The following ABHD6 variants were observed in gnomAD, a reference collection of about 807,000 sequenced individuals.
ABHD6 encodes abhydrolase domain containing 6, acylglycerol lipase.
A neutral mutation model predicts 38.8 loss-of-function variants in ABHD6; 33 were observed. The ratio of observed to expected loss-of-function variants is 0.85; its 90% CI spans 0.64 to 1.14. The LOEUF (loss-of-function observed/expected upper bound fraction) is 1.14. Among genes scored for constraint, ABHD6 ranks in the 50% most tolerant of loss-of-function variants. The pLI, the probability that ABHD6 is intolerant of heterozygous loss-of-function variation, is 0.00. For synonymous variants in ABHD6, 147 were observed against 161.6 expected (o/e 0.91, Z 0.69); for missense variants, 380 against 422.6 (o/e 0.90, Z 0.88).
At chr3:58,243,215 A>G (rs988974170) in intron 1 of ABHD6, among the ~76,000 whole-genome samples, 2 of 152,228 alleles carry the variant, frequency 1.3e-5, no homozygotes, top group Non-Finnish European at 2.9e-5. Flanking sequence ...AGCATTATTT[A>G]TAATCCTTTG....
At chr3:58,290,739 CG>C (rs1044495068) in intron 9 of ABHD6, among the ~76,000 whole-genome samples, 72 of 150,516 alleles carry the variant, frequency 4.8e-4, no homozygotes, top group African/African-American at 1.7e-3. Flanking sequence ...ACATCCCAGA[CG>C]GGCCGGCGGG....
At chr3:58,277,480 G>A (rs2097449610) in intron 7 of ABHD6, among the ~76,000 whole-genome samples, 1 of 152,224 alleles carries the variant, frequency 6.6e-6, no homozygotes, top group Admixed American at 6.5e-5. Flanking sequence ...AGACTTTGCT[G>A]AAGTTGCTTA....
In ABHD6 at chr3:58,273,262, G is replaced by T. The variant is rs1311616508; in HGVS notation, c.524-1396G>T. On this transcript the variant is annotated intron_variant, in intron 6 of 9. Transcript: ENST00000478253. The surrounding 1 kb of genome is among the most constrained non-coding windows in gnomAD (Gnocchi z 4.8). The stretch of plus-strand genomic sequence containing the variant: ...CTACTGCCTTTCATTATAAAATCTA[G>T]CTCTTTTCTAGATTTTGCTGGGTGA... 6.6e-6 allele frequency among the ~76,000 whole-genome samples: 1 copy of T among 152,004 alleles called. No individual in the cohort carries two copies. Among genetic ancestry groups the T allele is most frequent in the African/African-American group, 2.4e-5 (1 of 41,352 alleles).
chr3:58,260,361 T>C (rs1021325351), intron 3 of ABHD6, among the ~76,000 whole-genome samples: 6 of 152,108 alleles, frequency 3.9e-5, no homozygotes, highest in African/African-American at 1.4e-4. Flanking sequence ...ACCCAGCTGG[T>C]TTGGGAAGAT....
At chr3:58,280,647 G>T (rs1285432466) in intron 7 of ABHD6, among the ~76,000 whole-genome samples, 1 of 152,210 alleles carries the variant, frequency 6.6e-6, no homozygotes, top group South Asian at 2.1e-4. Flanking sequence ...GCGAGGAGCT[G>T]CAATCATTTG....
chr3:58,272,966 A>G (rs948687920), intron 6 of ABHD6, among the ~76,000 whole-genome samples: 5 of 152,194 alleles, frequency 3.3e-5, no homozygotes, highest in Admixed American at 2.0e-4. Context: ...AGAAACCAAC[A>G]TTAGTATATT....
intron 3 of ABHD6, chr3:58,258,303 A>G (rs1230441672): frequency 9.9e-6 from 4 of 403,920 alleles, no homozygotes; most frequent in East Asian, 1.5e-4. Context: ...GCAGAACTGC[A>G]TCTCAAAAAA....
At chr3:58,277,288 C>A (rs1294324710) in intron 7 of ABHD6, among the ~76,000 whole-genome samples, 1 of 152,138 alleles carries the variant, frequency 6.6e-6, no homozygotes, top group Admixed American at 6.6e-5. Flanking sequence ...TCTTTTATTT[C>A]GTTGAGCAGT....
Position 58,293,490 on chromosome 3 carries a change from C to A in ABHD6, c.838-99C>A. 1.5e-6 allele frequency: 2 copies of A among 1,337,796 alleles called. No individual in the cohort carries two copies. Among genetic ancestry groups the A allele is most frequent in the East Asian group, 2.4e-5 (1 of 41,588 alleles). 82.9% of individuals were successfully genotyped at this position (1,337,796 alleles called of 1,614,324 possible). A position where few individuals can be genotyped will look rare whatever the true frequency, so the allele number is the denominator to read the frequency against. On this transcript the variant is annotated intron_variant, in intron 9 of 9. Coordinates refer to ENST00000478253, the MANE Select transcript of ABHD6 (RefSeq NM_001320126.2). This position sits in a 1 kb window ranked among gnomAD's most constrained non-coding sequence, Gnocchi z 4.4. ...CTAAAATTCACATCCTCCTGCCCCA[C>A]TGACCCCTGCCAGGCCTTGGTGGAA...
At chr3:58,241,104 G>C (rs142002913) in intron 1 of ABHD6, among the ~76,000 whole-genome samples, 2 of 152,122 alleles carry the variant, frequency 1.3e-5, no homozygotes, top group East Asian at 3.8e-4. Flanking sequence ...GTGGGTAGAG[G>C]CCAGGGATGC....
intron 9 of ABHD6, among the ~76,000 whole-genome samples, chr3:58,290,586 G>T (rs1320810450): frequency 6.9e-6 from 1 of 144,288 alleles, no homozygotes; most frequent in Admixed American, 6.8e-5. Context: ...CCCAGACGGG[G>T]TGGCTGCCGG....
At chr3:58,244,951 C>T (rs1411092587) in intron 1 of ABHD6, among the ~76,000 whole-genome samples, 1 of 152,074 alleles carries the variant, frequency 6.6e-6, no homozygotes, top group Non-Finnish European at 1.5e-5. Context: ...TGGTGTTTAT[C>T]TTCCTGGGCT....
chr3:58,288,638 A>G (rs2097459245), intron 9 of ABHD6, among the ~76,000 whole-genome samples: 1 of 152,208 alleles, frequency 6.6e-6, no homozygotes, highest in African/African-American at 2.4e-5. Context: ...CATTTAAGCC[A>G]GTTAACAGGC....
rs931834551 is a variant in ABHD6 at position 58,237,859 on chromosome 3, A to C, written c.-148A>C. On this transcript the variant is annotated 5_prime_UTR_variant, in exon 1 of 10. Transcript: ENST00000478253. ...GCGGCAGGTCCCAGCCCGGGGCTAG[A>C]GACCGAGGGCCGGGGTCCGGGCCCG... 2.0e-5 allele frequency: 3 copies of C among 151,706 alleles called. No individual in the cohort carries two copies. Among genetic ancestry groups the C allele is most frequent in the Non-Finnish European group, 4.4e-5 (3 of 68,072 alleles). 9.4% of individuals were successfully genotyped at this position (151,706 alleles called of 1,614,324 possible). A position where few individuals can be genotyped will look rare whatever the true frequency, so the allele number is the denominator to read the frequency against.
rs1244448492 is a variant in ABHD6, at chr3:58,269,759, T to A, written c.390+325T>A. 1.3e-5 allele frequency among the ~76,000 whole-genome samples: 2 copies of A among 152,236 alleles called. No individual in the cohort carries two copies. Among genetic ancestry groups the A allele is most frequent in the African/African-American group, 4.8e-5 (2 of 41,468 alleles). ...GATCTCTCTTTCTGCTCACCAGTTA[T>A]ATGATAACAGTAATAGCCCCTCTGC... On this transcript the variant is annotated intron_variant, in intron 5 of 9. Transcript: ENST00000478253. The surrounding 1 kb of genome is among the most constrained non-coding windows in gnomAD (Gnocchi z 4.4).
Position 58,267,871 on chromosome 3 carries a change from G to A in ABHD6, c.276+526G>A, listed in dbSNP as rs890528244. 2.0e-5 allele frequency among the ~76,000 whole-genome samples: 3 copies of A among 151,842 alleles called. No homozygotes were observed. The highest frequency in any genetic ancestry group is 7.3e-5 in the African/African-American group (3 of 41,310). On this transcript the variant is annotated intron_variant, in intron 4 of 9. Transcript: ENST00000478253. This position sits in a 1 kb window ranked among gnomAD's most constrained non-coding sequence, Gnocchi z 4.3. ...AAGGCAGGCAGATCACTTGAGCCCA[G>A]GAGTTTGAGACCAGCCTGGGCAACA... is the stretch of plus-strand genomic sequence containing the variant.
chr3:58,258,997 C>T (rs2097435183), intron 3 of ABHD6, among the ~76,000 whole-genome samples: 1 of 152,182 alleles, frequency 6.6e-6, no homozygotes, highest in African/African-American at 2.4e-5. Flanking sequence ...CTGGATGACC[C>T]CTGACATGGA....
chr3:58,281,600 C>T (rs2097453308), intron 7 of ABHD6, among the ~76,000 whole-genome samples: 1 of 152,192 alleles, frequency 6.6e-6, no homozygotes, highest in Admixed American at 6.5e-5. Flanking sequence ...GTGGGCTGCA[C>T]CCACTGTCCA....
At position 58,256,009 on chromosome 3, in the gene ABHD6, C is replaced by T. The variant is rs2107435589; in HGVS notation, c.-25-553C>T. On this transcript the variant is annotated intron_variant, in intron 2 of 9. Coordinates refer to ENST00000478253, the MANE Select transcript of ABHD6 (RefSeq NM_001320126.2). This position sits in a 1 kb window ranked among gnomAD's most constrained non-coding sequence, Gnocchi z 4.3. Reference sequence around the variant, plus strand: ...TGAAAGGATAATATCATGTAACCTTCACCTGGATTCCCCAGTGGTTAGCAT... The same window carrying T: ...TGAAAGGATAATATCATGTAACCTTTACCTGGATTCCCCAGTGGTTAGCAT... 6.6e-6 allele frequency among the ~76,000 whole-genome samples: 1 copy of T among 152,126 alleles called. No individual in the cohort carries two copies. The highest frequency in any genetic ancestry group is 2.1e-4 in the South Asian group (1 of 4,816).
Sources: gnomAD v4.1 joint callset for allele counts (sites outside exome capture counted in the v4.1 genomes callset) on GRCh38, gnomAD v4.1.1 for gene constraint, Gnocchi (gnomAD v3.1) non-coding constraint, MANE v1.5 for transcripts, NCBI Gene and HGNC (gene_info 2026-07-23, HGNC 2026-07-21) for gene names.